Variants in LIN54 observed in about 807,000 individuals in gnomAD.
LIN54 encodes lin-54 DREAM MuvB core complex component.
Under a neutral mutation model 78.7 loss-of-function variants are expected in LIN54, and 9 were observed. The ratio of observed to expected loss-of-function variants is 0.11; its 90% CI spans 0.07 to 0.20. The LOEUF is 0.20. Among genes scored for constraint, LIN54 ranks in the 10% least tolerant of loss-of-function variants. LIN54 has a pLI of 1.00. For synonymous variants in LIN54, 269 were observed against 318.4 expected, an observed-to-expected ratio of 0.84 and a Z score of 1.65; for missense variants, 573 against 889.9, an observed-to-expected ratio of 0.64 and a Z score of 4.53.
At chr4:82,993,690 T>C (rs948721088) in intron 1 of LIN54, among the ~76,000 whole-genome samples, 3 of 151,946 alleles carry the variant, frequency 2.0e-5, no homozygotes, top group African/African-American at 4.8e-5. Flanking sequence ...TGATCTTGGC[T>C]CACTTCAACC....
intron 1 of LIN54, among the ~76,000 whole-genome samples, chr4:82,998,855 T>C (rs1728488268): frequency 6.6e-6 from 1 of 152,014 alleles, no homozygotes; most frequent in Non-Finnish European, 1.5e-5. Context: ...TATGTAAACA[T>C]TGTGTTTTAT....
intron 3 of LIN54, among the ~76,000 whole-genome samples, chr4:82,976,813 G>C (rs1208781235): frequency 2.0e-5 from 3 of 152,188 alleles, no homozygotes; most frequent in Non-Finnish European, 2.9e-5. Flanking sequence ...AGGCACTTTG[G>C]TGGTTTAAAA....
At chr4:82,968,167 C>A (rs895851087) in intron 4 of LIN54, among the ~76,000 whole-genome samples, 1 of 151,970 alleles carries the variant, frequency 6.6e-6, no homozygotes, top group Non-Finnish European at 1.5e-5. Context: ...CTCAGCCTCC[C>A]GAGTAGCTGG....
intron 4 of LIN54, among the ~76,000 whole-genome samples, chr4:82,958,684 T>C (rs553016217): frequency 1.3e-5 from 2 of 152,276 alleles, no homozygotes; most frequent in South Asian, 4.1e-4. Context: ...TTAAATTTAT[T>C]TTTGATTTAT....
chr4:82,939,723 G>T lies in LIN54; in HGVS notation c.1256C>A (p.Pro419Gln). 1 of 1,614,054 alleles carries T rather than the reference G, an allele frequency of 6.2e-7. No individual in the cohort carries two copies. The highest frequency in any genetic ancestry group is 8.5e-7 in the Non-Finnish European group (1 of 1,179,978). ...TACTATTTGTGAAGTTGGATTGATT[G>T]GTTTTGGAACAACCTAAAAAGAAGG... The part of the protein sequence containing the change: ...AQAVKQVVPK[P>Q]INPTSQIVTT... Residue 419 changes from proline to glutamine, a missense_variant, in exon 7 of 13, where the codon CCA becomes CAA. Physicochemically the swap from Pro to Gln is moderately conservative, Grantham distance 76. This residue lies in a region of LIN54 where 199 missense variants were observed against 260.9 expected (regional missense o/e 0.76). Transcript: ENST00000340417.
intron 4 of LIN54, among the ~76,000 whole-genome samples, chr4:82,957,561 AGAG>A (rs1226772579): frequency 6.6e-6 from 1 of 152,144 alleles, no homozygotes; most frequent in Non-Finnish European, 1.5e-5. Flanking sequence ...ATTTCCAATC[AGAG>A]TAGTGATCTT....
intron 4 of LIN54, among the ~76,000 whole-genome samples, chr4:82,953,472 T>G (rs527343850): frequency 1.3e-5 from 2 of 152,128 alleles, no homozygotes; most frequent in Admixed American, 1.3e-4. Context: ...TTTAAAAAAT[T>G]GAAAAAATAG....
chr4:82,954,147 A>T (rs1724085850), intron 4 of LIN54, among the ~76,000 whole-genome samples: 2 of 152,204 alleles, frequency 1.3e-5, no homozygotes, highest in African/African-American at 4.8e-5. Flanking sequence ...AAAAACTAAA[A>T]ATTCACACAT....
intron 4 of LIN54, among the ~76,000 whole-genome samples, chr4:82,963,992 T>C (rs1370747010): frequency 1.3e-5 from 2 of 152,150 alleles, no homozygotes; most frequent in Admixed American, 1.3e-4. Context: ...AATAATGTAA[T>C]ATGTGAATTA....
chr4:82,947,844 G>A (rs188302916), intron 4 of LIN54, among the ~76,000 whole-genome samples: 2 of 152,230 alleles, frequency 1.3e-5, no homozygotes, highest in Admixed American at 6.5e-5. Flanking sequence ...AAAGACAACT[G>A]ATGTATGATG....
chr4:82,954,006 T>TA (rs1001097428), intron 4 of LIN54, among the ~76,000 whole-genome samples: 6 of 151,848 alleles, frequency 4.0e-5, no homozygotes, highest in East Asian at 1.9e-4. Flanking sequence ...TTCATAAAGT[T>TA]AAAAAAAACT....
Position 82,928,021 on chromosome 4 carries a change from T to G in LIN54, c.*81A>C. The G allele has an allele frequency of 8.6e-7, 1 of 1,156,670 alleles. No homozygotes were observed. Among genetic ancestry groups the G allele is most frequent in the East Asian group, 2.4e-5 (1 of 42,322 alleles). 71.7% of individuals were successfully genotyped at this position (1,156,670 alleles called of 1,614,324 possible). A position where few individuals can be genotyped will look rare whatever the true frequency, so the allele number is the denominator to read the frequency against. ...CAAGGACTGAATTAAAATACAGTAA[T>G]TGTTTTTCTTCCAGAAAATCAAGTG... On this transcript the variant is annotated 3_prime_UTR_variant, in exon 13 of 13. Coordinates refer to ENST00000340417, the MANE Select transcript of LIN54 (RefSeq NM_194282.4).
In LIN54 at chr4:82,994,927, TAA is replaced by T. The variant is rs771387037; in HGVS notation, c.-32-10053_-32-10052del. Among the ~76,000 whole-genome samples the T allele has an allele frequency of 1.1e-4, 17 of 151,982 alleles. 1 individual carries two copies. The highest frequency in any genetic ancestry group is 2.1e-4 in the Non-Finnish European group (14 of 67,980). ...GAACATACGTTTTTACCTGTCCTGT[TAA>T]AAGAGACTGAGAATTATAGGAGTGG... is the stretch of plus-strand genomic sequence containing the variant. On this transcript the variant is annotated intron_variant, in intron 1 of 12. Coordinates refer to ENST00000340417, the MANE Select transcript of LIN54 (RefSeq NM_194282.4).
chr4:82,951,540 A>G (rs1723845671), intron 4 of LIN54, among the ~76,000 whole-genome samples: 1 of 152,168 alleles, frequency 6.6e-6, no homozygotes, highest in Non-Finnish European at 1.5e-5. Context: ...ATAAAATAGT[A>G]TGGGATTAGC....
intron 3 of LIN54, among the ~76,000 whole-genome samples, chr4:82,976,537 G>T (rs539858765): frequency 1.6e-3 from 241 of 152,094 alleles, no homozygotes; most frequent in Non-Finnish European, 2.7e-3. Context: ...GTGAAACCCC[G>T]TCTCTACTAA....
chr4:82,971,135 G>C (rs1725615914), intron 3 of LIN54, among the ~76,000 whole-genome samples: 1 of 152,132 alleles, frequency 6.6e-6, no homozygotes, highest in Admixed American at 6.6e-5. Context: ...TTTATCCTAG[G>C]TAAGAAAAGA....
In LIN54 at chr4:82,939,672, A is replaced by T; in HGVS notation, c.1307T>A (p.Leu436His). 1.2e-6 allele frequency: 2 copies of T among 1,614,162 alleles called. No homozygotes were observed. The highest frequency in any genetic ancestry group is 1.7e-6 in the Non-Finnish European group (2 of 1,179,978). Residue 436 changes from leucine (L) to histidine (H), a missense_variant, in exon 7 of 13, where the codon CTT becomes CAT. Physicochemically the swap from Leu to His is moderately conservative, Grantham distance 99 (BLOSUM62 -3). Transcript: ENST00000340417. ...IVTTSQPQQR[L>H]IMPATPLPQI... ...TGGCAGTGGTGTGGCAGGCATGATAAGCCGTTGCTGTGGCTGGCTAGTAGT... is the reference window on the plus strand; with the variant it reads ...TGGCAGTGGTGTGGCAGGCATGATATGCCGTTGCTGTGGCTGGCTAGTAGT...
At chr4:82,954,134 C>T (rs1260867150) in intron 4 of LIN54, among the ~76,000 whole-genome samples, 2 of 151,328 alleles carry the variant, frequency 1.3e-5, no homozygotes, top group Admixed American at 1.3e-4. Context: ...CCAAGTGTGA[C>T]TCAAAAACTA....
At chr4:82,945,779 C>T (rs908348238) in intron 5 of LIN54, among the ~76,000 whole-genome samples, 12 of 152,138 alleles carry the variant, frequency 7.9e-5, no homozygotes, top group African/African-American at 2.9e-4. Context: ...CAGGTGTGAG[C>T]CACCGTGCCT....
Sources: allele counts gnomAD v4.1 joint callset (sites outside exome capture counted in the v4.1 genomes callset), GRCh38; gene constraint gnomAD v4.1.1; regional missense constraint gnomAD v4.1.1; transcripts MANE v1.5; gene names NCBI Gene and HGNC (gene_info 2026-07-23, HGNC 2026-07-21).